FKBP5: variants seen among roughly 807,000 people sequenced by gnomAD.
FKBP5 encodes FKBP prolyl isomerase 5.
A neutral mutation model predicts 50.5 loss-of-function variants in FKBP5; 23 were observed. That is an observed-to-expected ratio of 0.46 (90% CI 0.33 to 0.65). The LOEUF is 0.65. Among genes scored for constraint, FKBP5 ranks in the 30% least tolerant of loss-of-function variants. The pLI, the probability that FKBP5 is intolerant of heterozygous loss-of-function variation, is 0.02. For synonymous variants in FKBP5, 176 were observed against 190.6 expected (o/e 0.92, Z 0.63); for missense variants, 411 against 553.1 (o/e 0.74, Z 2.58).
At chr6:35,727,969 G>C (rs1029698176) in intron 1 of FKBP5, among the ~76,000 whole-genome samples, 3 of 152,200 alleles carry the variant, frequency 2.0e-5, no homozygotes, top group African/African-American at 7.2e-5. Flanking sequence ...GCGCGCCCCG[G>C]AGGTTGCTCG....
At chr6:35,629,342 C>T (rs1465601850) in intron 3 of FKBP5, among the ~76,000 whole-genome samples, 4 of 152,074 alleles carry the variant, frequency 2.6e-5, no homozygotes, top group Non-Finnish European at 5.9e-5. Context: ...TTGGGTTCAA[C>T]TGATCCTCCT....
At chr6:35,720,839 C>T (rs1163503342) in intron 1 of FKBP5, among the ~76,000 whole-genome samples, 1 of 152,194 alleles carries the variant, frequency 6.6e-6, no homozygotes, top group African/African-American at 2.4e-5. Flanking sequence ...CCATTCCGGG[C>T]ACTGTGCTGA....
rs180727592 is a variant in FKBP5, at chr6:35,722,300, G to A, written c.-240-1752C>T. Among the ~76,000 whole-genome samples, 270 of 152,194 alleles carry A rather than the reference G, an allele frequency of 1.8e-3. 1 individual carries two copies. Among genetic ancestry groups the A allele is most frequent in the Non-Finnish European group, 2.3e-3 (156 of 68,014 alleles). ...AGAGCAGCACCTGGCAAACATCAGCGCTTGCTAAACATTTATGAATGAATG... is the reference window on the plus strand; with the variant it reads ...AGAGCAGCACCTGGCAAACATCAGCACTTGCTAAACATTTATGAATGAATG... On this transcript the variant is annotated intron_variant, in intron 1 of 11. Coordinates refer to the FKBP5 transcript ENST00000536438.
At chr6:35,586,540 GA>G (rs1414276664) in intron 8 of FKBP5, 2 of 985,462 alleles carry the variant, frequency 2.0e-6, no homozygotes, top group Non-Finnish European at 2.4e-6. Context: ...GCTGAGGTGG[GA>G]GGATTGCTTG....
At chr6:35,587,292 T>C (rs1581788519) in intron 7 of FKBP5, among the ~76,000 whole-genome samples, 175 bp from the exon 8 acceptor site, 1 of 152,224 alleles carries the variant, frequency 6.6e-6, no homozygotes, top group East Asian at 1.9e-4. Context: ...TCATACTGTT[T>C]GAAGAACTCA....
intron 2 of FKBP5, among the ~76,000 whole-genome samples, chr6:35,697,422 C>G (rs889001038): frequency 6.6e-6 from 1 of 151,984 alleles, no homozygotes; most frequent in African/African-American, 2.4e-5. Flanking sequence ...TGGCCCATGC[C>G]TGTAATCCCA....
chr6:35,713,809 C>G (rs1234417109), intron 2 of FKBP5, among the ~76,000 whole-genome samples: 2 of 152,208 alleles, frequency 1.3e-5, no homozygotes, highest in Non-Finnish European at 2.9e-5. Context: ...CATCCTCTCT[C>G]CCCTGCCTTC....
intron 7 of FKBP5, among the ~76,000 whole-genome samples, chr6:35,589,220 C>T (rs1762738582): frequency 6.7e-6 from 1 of 149,682 alleles, no homozygotes; most frequent in South Asian, 2.1e-4. Flanking sequence ...CCTCCACCTC[C>T]TGGGTTCAAG....
chr6:35,619,132 C>G lies in FKBP5; in HGVS notation c.472G>C (p.Gly158Arg). Residue 158 changes from glycine (G) to arginine (R), a missense_variant, in exon 5 of 11, where the codon GGA (glycine) becomes CGA (arginine). By Grantham distance (125) the Gly-to-Arg change is moderately radical. Transcript: ENST00000357266. ...GCTCCTTCGTTTGGATTTGAATATC[C>G]CTCTCCTTTCCGTTTGGTTCTCCGG... The part of the protein sequence containing the change: ...IIRRTKRKGE[G>R]YSNPNEGATV... 1 of 1,613,514 alleles carries G rather than the reference C, an allele frequency of 6.2e-7. No individual in the cohort carries two copies. Among genetic ancestry groups the G allele is most frequent in the Non-Finnish European group, 8.5e-7 (1 of 1,179,648 alleles).
At chr6:35,686,322 T>C (rs1316804520) in intron 1 of FKBP5, among the ~76,000 whole-genome samples, 12 of 152,178 alleles carry the variant, frequency 7.9e-5, no homozygotes, top group Non-Finnish European at 1.3e-4. Context: ...AATGGGCTTT[T>C]AATTAAACCT....
rs189513615 is a variant in FKBP5 at position 35,710,322 on chromosome 6, A to T, written c.-20+10006T>A. ...AGGAAACCCAGTCTCTACAAAACAT[A>T]AAACAATTAACTGGGCATGGTGGTG... On this transcript the variant is annotated intron_variant, in intron 2 of 11. Coordinates refer to the FKBP5 transcript ENST00000536438. Among the ~76,000 whole-genome samples the T allele has an allele frequency of 8.1e-4, 123 of 152,224 alleles. 1 individual carries two copies. The highest frequency in any genetic ancestry group is 2.8e-3 in the African/African-American group (118 of 41,538).
At chr6:35,611,648 CAATT>C (rs1763498038) in intron 5 of FKBP5, among the ~76,000 whole-genome samples, 1 of 152,136 alleles carries the variant, frequency 6.6e-6, no homozygotes. Context: ...ATAATCATAT[CAATT>C]AGAGTACCTT....
chr6:35,589,110 TTA>T (rs1169766848), intron 7 of FKBP5, among the ~76,000 whole-genome samples: 14 of 103,006 alleles, frequency 1.4e-4, no homozygotes, highest in African/African-American at 2.5e-4. Context: ...ATATATATTT[TTA>T]TATATATATA....
At chr6:35,599,992 C>T (rs1244450924) in intron 5 of FKBP5, among the ~76,000 whole-genome samples, 5 of 152,142 alleles carry the variant, frequency 3.3e-5, no homozygotes, top group African/African-American at 1.2e-4. Flanking sequence ...GATGGAACAG[C>T]CTACTATAAC....
intron 2 of FKBP5, among the ~76,000 whole-genome samples, chr6:35,698,603 C>A (rs936306097): frequency 1.3e-4 from 19 of 151,968 alleles, no homozygotes; most frequent in African/African-American, 3.6e-4. Flanking sequence ...GCCAAGATTG[C>A]GCCACTGCAT....
chr6:35,650,402 A>G (rs989952784), intron 1 of FKBP5, among the ~76,000 whole-genome samples: 2 of 146,508 alleles, frequency 1.4e-5, no homozygotes, highest in African/African-American at 5.0e-5. Flanking sequence ...TGGACCATTG[A>G]AAAAAAAAAA....
intron 1 of FKBP5, among the ~76,000 whole-genome samples, chr6:35,677,105 C>T (rs1765542794): frequency 6.6e-6 from 1 of 152,084 alleles, no homozygotes; most frequent in Admixed American, 6.5e-5. Flanking sequence ...ACGTGGTCTC[C>T]CTCTGTCGCC....
chr6:35,587,065 A>G lies in FKBP5; in HGVS notation c.809T>C (p.Ile270Thr). The change falls in exon 8 of 11, where the codon ATT (isoleucine) becomes ACT (threonine). Residue 270 changes from isoleucine to threonine, a missense_variant. By Grantham distance (89) the Ile-to-Thr change is moderately conservative. This residue lies in a region of FKBP5 where 267 missense variants were observed against 405.9 expected (regional missense o/e 0.66). Coordinates refer to ENST00000357266, the MANE Select transcript of FKBP5 (RefSeq NM_004117.4). ...GTATACGGTTCCCTTCTCTTTGACA[A>G]TGGCAGCCTGCTCCAATTTTTCTTT... ...DTKEKLEQAA[I>T]VKEKGTVYFK... The G allele has an allele frequency of 6.2e-7, 1 of 1,614,090 alleles. No individual in the cohort carries two copies. The highest frequency in any genetic ancestry group is 2.2e-5 in the East Asian group (1 of 44,884).
At chr6:35,683,324 A>C (rs1295020534) in intron 1 of FKBP5, among the ~76,000 whole-genome samples, 1 of 151,738 alleles carries the variant, frequency 6.6e-6, no homozygotes, top group African/African-American at 2.4e-5. Context: ...GGAGAACTTT[A>C]TATTTTTTGT....
Sources: allele counts gnomAD v4.1 joint callset (sites outside exome capture counted in the v4.1 genomes callset), GRCh38; gene constraint gnomAD v4.1.1; regional missense constraint gnomAD v4.1.1; transcripts MANE v1.5; gene names NCBI Gene and HGNC (gene_info 2026-07-23, HGNC 2026-07-21).